The following KIF15 variants were observed in gnomAD, a reference collection of about 807,000 sequenced individuals.
The protein encoded by KIF15 is kinesin family member 15.
In KIF15, 140 loss-of-function variants were observed where a neutral mutation model predicts 190.6. That is an observed-to-expected ratio of 0.73 (90% CI 0.64 to 0.84). The LOEUF (loss-of-function observed/expected upper bound fraction) is 0.84. Ranked by LOEUF, KIF15 falls within the 40% of genes least tolerant of loss-of-function variation. KIF15 has a pLI of 0.00. For missense variants in KIF15, 1,372 were observed against 1,584.4 expected (o/e 0.87, Z 2.28); for synonymous variants, 528 against 551.3 (o/e 0.96, Z 0.59).
chr3:44,834,066 A>AT (rs1698195044), intron 26 of KIF15, among the ~76,000 whole-genome samples: 2 of 152,176 alleles, frequency 1.3e-5, no homozygotes, highest in African/African-American at 2.4e-5. Context: ...TAAAAATAAA[A>AT]TGTGACTACG....
intron 16 of KIF15, among the ~76,000 whole-genome samples, chr3:44,808,610 A>T (rs59214248): frequency 0.37 from 52,048 of 141,786 alleles, 9,931 homozygotes; most frequent in East Asian, 0.83. Flanking sequence ...TTTTTTTTTT[A>T]AAAAAAAACG....
chr3:44,863,743 G>C (rs1036724934), intron 6 of KIF15: 2 of 170,488 alleles, frequency 1.2e-5, no homozygotes, highest in African/African-American at 4.7e-5. Flanking sequence ...TATAGGATTT[G>C]GGGGTGGGAA....
chr3:44,765,990 GC>G, intron 1 of KIF15: 1 of 159,502 alleles, frequency 6.3e-6, no homozygotes. Flanking sequence ...GTGCCACCAT[GC>G]CCAGCTAATT....
At position 44,771,978 on chromosome 3, in the gene KIF15, T is replaced by C. The variant is rs149962134; in HGVS notation, c.20-2417T>C. Among the ~76,000 whole-genome samples, 45 of 152,382 alleles carry C rather than the reference T, an allele frequency of 3.0e-4. No homozygotes were observed. In the East Asian group the frequency reaches 7.7e-3, roughly 26 times the overall value. On this transcript the variant is annotated intron_variant, in intron 1 of 34. Coordinates refer to ENST00000326047, the MANE Select transcript of KIF15 (RefSeq NM_020242.3). The stretch of plus-strand genomic sequence containing the variant: ...TACCAATAATTTTTAAGGCTGTTTT[T>C]ATTTCTCAAAGATTAAAGTCATGTG...
At chr3:44,806,151 T>TGTATC (rs1707490335) in intron 16 of KIF15, among the ~76,000 whole-genome samples, 165 bp downstream of exon 16, 1 of 152,202 alleles carries the variant, frequency 6.6e-6, no homozygotes, top group Non-Finnish European at 1.5e-5. Context: ...ATCCCACTGA[T>TGTATC]GTATCCCCCC....
intron 26 of KIF15, 35 bp from the exon 27 acceptor site, chr3:44,838,240 A>G (rs1483484508): frequency 4.5e-6 from 7 of 1,562,824 alleles, no homozygotes; most frequent in Non-Finnish European, 5.2e-6. Context: ...TTGGAATACC[A>G]TAATTAAGAA....
Position 44,805,302 on chromosome 3 carries a change from A to G in KIF15, c.1829+134A>G, listed in dbSNP as rs1559549754. Reference sequence around the variant, plus strand: ...TCATAGCAGCAACTACTTTGACATGAAGAGAAAGAGCATGCTTCTAGCTCT... The same window carrying G: ...TCATAGCAGCAACTACTTTGACATGGAGAGAAAGAGCATGCTTCTAGCTCT... On this transcript the variant is annotated intron_variant, in intron 15 of 34. Coordinates refer to ENST00000326047, the MANE Select transcript of KIF15 (RefSeq NM_020242.3). 24 of 797,178 alleles carry G rather than the reference A, an allele frequency of 3.0e-5. No individual in the cohort carries two copies. The East Asian group carries it at 3.0e-4, about 10-fold the overall frequency. The allele number at this position is 797,178 out of a possible 1,614,324, so 49.4% of individuals were successfully genotyped here.
Position 44,775,371 on chromosome 3 carries a change from G to A in KIF15, c.180G>A (p.Arg60=). The A allele has an allele frequency of 2.5e-6, 4 of 1,613,902 alleles. No individual in the cohort carries two copies. The highest frequency in any genetic ancestry group is 3.4e-6 in the Non-Finnish European group (4 of 1,179,940). ...CLSVLSSTSL[R]LHSNPEPKTF... is the part of the protein sequence containing the mutation. ...CTGTGCTGTCCTCCACGAGTCTCCG[G>A]CTGCACTCCAACCCTGAGCCCAAGA... is the stretch of plus-strand genomic sequence containing the variant. Residue 60 remains arginine, a synonymous_variant, in exon 3 of 35, where the codon CGG becomes CGA. Transcript: ENST00000326047.
chr3:44,779,397 G>A (rs998230585), intron 4 of KIF15, among the ~76,000 whole-genome samples: 1 of 152,206 alleles, frequency 6.6e-6, no homozygotes, highest in African/African-American at 2.4e-5. Flanking sequence ...ATTGCTTCTA[G>A]GCCTTCTCAG....
At chr3:44,772,960 A>G (rs1194047287) in intron 1 of KIF15, among the ~76,000 whole-genome samples, 1 of 152,168 alleles carries the variant, frequency 6.6e-6, no homozygotes, top group African/African-American at 2.4e-5. Context: ...ATGGAGTCCT[A>G]TGCCAGCATC....
At chr3:44,854,373 A>G (rs1008198119), downstream of KIF15, among the ~76,000 whole-genome samples, 3 of 117,004 alleles carry the variant, frequency 2.6e-5, no homozygotes, top group African/African-American at 9.8e-5. Context: ...CAACAGAGTG[A>G]AAAAAAAAAA....
intron 18 of KIF15, among the ~76,000 whole-genome samples, chr3:44,812,609 G>C (rs1293494784): frequency 6.6e-6 from 1 of 152,172 alleles, no homozygotes; most frequent in Non-Finnish European, 1.5e-5. Flanking sequence ...CTTCATAGTT[G>C]TTAATCATCT....
intron 24 of KIF15, among the ~76,000 whole-genome samples, chr3:44,829,249 C>T (rs1268643741): frequency 2.0e-4 from 30 of 150,240 alleles, no homozygotes; most frequent in East Asian, 1.6e-3. Context: ...CCCAGCTACT[C>T]GAGAGGCTGA....
In KIF15 at chr3:44,825,562, A is replaced by G. The variant is rs549051126; in HGVS notation, c.2550-477A>G. 6.6e-5 allele frequency among the ~76,000 whole-genome samples: 10 copies of G among 152,302 alleles called. No homozygotes were observed. In the South Asian group the frequency reaches 1.0e-3, roughly 16 times the overall value. ...AAAAAGCAGTAATTATCTTCCAAAA[A>G]CATTTTCTTTCTTGCTCAAATCAAA... On this transcript the variant is annotated intron_variant, in intron 20 of 34. Transcript: ENST00000326047.
chr3:44,796,204 T>C (rs1160348779), intron 8 of KIF15, among the ~76,000 whole-genome samples: 2 of 152,086 alleles, frequency 1.3e-5, no homozygotes, highest in Non-Finnish European at 2.9e-5. Flanking sequence ...TTAATAAATA[T>C]AGCATATGGG....
intron 30 of KIF15, 67 bp downstream of exon 30, chr3:44,843,301 T>C (rs1698696954): frequency 9.5e-7 from 1 of 1,051,034 alleles, no homozygotes; most frequent in Non-Finnish European, 1.4e-6. Context: ...TAAATGAGGT[T>C]GGAATTGGTT....
intron 6 of KIF15, among the ~76,000 whole-genome samples, chr3:44,864,807 G>A (rs1043492248): frequency 1.3e-5 from 2 of 152,184 alleles, no homozygotes; most frequent in African/African-American, 4.8e-5. Flanking sequence ...CATCTGCTGG[G>A]TCTTTCTTGT....
At chr3:44,807,058 T>C (rs1294567320) in intron 16 of KIF15, among the ~76,000 whole-genome samples, 1 of 152,152 alleles carries the variant, frequency 6.6e-6, no homozygotes, top group Non-Finnish European at 1.5e-5. Flanking sequence ...TTCTTTTCAA[T>C]AAAAGAAAGA....
At chr3:44,839,921 C>A (rs1397763772) in intron 27 of KIF15, among the ~76,000 whole-genome samples, 1 of 152,190 alleles carries the variant, frequency 6.6e-6, no homozygotes, top group South Asian at 2.1e-4. Flanking sequence ...TTTACCCATT[C>A]TCCCATCAAT....
Sources: gnomAD v4.1 joint callset for allele counts (sites outside exome capture counted in the v4.1 genomes callset) on GRCh38, gnomAD v4.1.1 for gene constraint, MANE v1.5 for transcripts, NCBI Gene and HGNC (gene_info 2026-07-23, HGNC 2026-07-21) for gene names.